Variants in MAP3K4 observed in about 807,000 individuals in gnomAD.
The protein encoded by MAP3K4 is MAP three kinase 1.
MAP3K4 carries 67 observed loss-of-function variants against 185.6 expected under a neutral mutation model. That is an observed-to-expected ratio of 0.36 (90% confidence interval 0.30 to 0.44). The LOEUF is 0.44. MAP3K4 is among the 20% of genes least tolerant of loss of function. The pLI is 1.00. For synonymous variants in MAP3K4, 702 were observed against 710.4 expected (o/e 0.99, Z 0.19); for missense variants, 1,551 against 1,995.1 (o/e 0.78, Z 4.24).
intron 1 of MAP3K4, among the ~76,000 whole-genome samples, chr6:161,024,333 T>C (rs1243514846): frequency 2.0e-5 from 3 of 152,194 alleles, no homozygotes; most frequent in East Asian, 3.8e-4. Flanking sequence ...CTATACCCTA[T>C]GCTCAGTTTC....
intron 3 of MAP3K4, among the ~76,000 whole-genome samples, chr6:161,068,433 G>C (rs1483161460): frequency 6.6e-6 from 1 of 152,172 alleles, no homozygotes; most frequent in East Asian, 1.9e-4. Flanking sequence ...CACAGAGGCA[G>C]GTTTGTTATG....
rs906794771 is a variant in MAP3K4 at position 161,077,730 on chromosome 6, G to A, written c.2098-3151G>A. Among the ~76,000 whole-genome samples the A allele has an allele frequency of 2.0e-5, 3 of 152,248 alleles. No individual in the cohort carries two copies. Among genetic ancestry groups the A allele is most frequent in the African/African-American group, 7.2e-5 (3 of 41,472 alleles). On this transcript the variant is annotated intron_variant, in intron 5 of 26. Coordinates refer to ENST00000392142, the MANE Select transcript of MAP3K4 (RefSeq NM_005922.4). This position sits in a 1 kb window ranked among gnomAD's most constrained non-coding sequence, Gnocchi z 4.3. ...CGGGTGGATCAAATGTGAACAAGGT[G>A]TTGGGAGTGACTGTGGGTGTCCAGC...
In MAP3K4 at chr6:161,087,462, G is replaced by A. The variant is rs1048560960; in HGVS notation, c.2557-226G>A. 2.4e-4 allele frequency among the ~76,000 whole-genome samples: 37 copies of A among 151,928 alleles called. No homozygotes were observed. Among genetic ancestry groups the A allele is most frequent in the African/African-American group, 8.2e-4 (34 of 41,346 alleles). ...GCAGTGAGGAGGATGTCCAATAATC[G>A]GGGAGACTCTGTAAGGCCTCTCCTC... On this transcript the variant is annotated intron_variant, in intron 9 of 26. Transcript: ENST00000392142. This position sits in a 1 kb window ranked among gnomAD's most constrained non-coding sequence, Gnocchi z 4.9.
intron 4 of MAP3K4, among the ~76,000 whole-genome samples, chr6:161,072,077 A>C (rs1330856917): frequency 1.3e-5 from 2 of 152,250 alleles, no homozygotes; most frequent in African/African-American, 4.8e-5. Context: ...TTTGGTTTAA[A>C]TGCATTCAAA....
At chr6:161,021,261 T>G (rs1396156875) in intron 1 of MAP3K4, among the ~76,000 whole-genome samples, 1 of 152,244 alleles carries the variant, frequency 6.6e-6, no homozygotes, top group East Asian at 1.9e-4. Flanking sequence ...TCACTTGGTC[T>G]TGATTGCTGG....
Position 161,093,665 on chromosome 6 carries a change from G to T in MAP3K4, c.3349-108G>T. ...CTTTTAAACTAACTGAAAATATTTT[G>T]GGTAGCATGTTTTTAAAAATATACT... is the stretch of plus-strand genomic sequence containing the variant. On this transcript the variant is annotated intron_variant, in intron 14 of 26. Transcript: ENST00000392142. The surrounding 1 kb of genome is among the most constrained non-coding windows in gnomAD (Gnocchi z 5.2). 1 of 626,632 alleles carries T rather than the reference G, an allele frequency of 1.6e-6. No individual in the cohort carries two copies. Among genetic ancestry groups the T allele is most frequent in the South Asian group, 2.2e-5 (1 of 45,566 alleles). 38.8% of individuals were successfully genotyped at this position (626,632 alleles called of 1,614,324 possible).
At chr6:161,094,544 T>G (rs1000908359) in intron 15 of MAP3K4, among the ~76,000 whole-genome samples, 16 of 152,212 alleles carry the variant, frequency 1.1e-4, no homozygotes, top group African/African-American at 3.6e-4. Context: ...AAAACTGTAT[T>G]TGTAAGTAAT....
chr6:161,116,700 C>A lies in MAP3K4; in HGVS notation c.4807-150C>A. The A allele has an allele frequency of 1.6e-6, 1 of 628,878 alleles. No individual in the cohort carries two copies. Among genetic ancestry groups the A allele is most frequent in the Non-Finnish European group, 2.8e-6 (1 of 356,778 alleles). The allele number at this position is 628,878 out of a possible 1,614,324, so 39.0% of individuals were successfully genotyped here. A position where few individuals can be genotyped will look rare whatever the true frequency, so the allele number is the denominator to read the frequency against. On this transcript the variant is annotated intron_variant, in intron 26 of 26. Coordinates refer to ENST00000392142, the MANE Select transcript of MAP3K4 (RefSeq NM_005922.4). The surrounding 1 kb of genome is among the most constrained non-coding windows in gnomAD (Gnocchi z 6.2). ...AACTTACCTCTGCCATTGTTCATTA[C>A]ATTTCTTAAGCCTTGCCCTCTGTGC...
intron 1 of MAP3K4, among the ~76,000 whole-genome samples, chr6:161,024,225 T>C (rs2115124763): frequency 6.6e-6 from 1 of 152,238 alleles, no homozygotes; most frequent in Admixed American, 6.5e-5. Flanking sequence ...CGCCTCTGCC[T>C]CCTAGAGTGT....
rs1372900880 is a variant in MAP3K4 at position 161,108,730 on chromosome 6, C to T, written c.4120-13C>T. ...ATCAAGCCAGTTAACATTTTTGTCA[C>T]CTCACTTTACAGATTCGATTTCAAC... On this transcript the variant is annotated splice_polypyrimidine_tract_variant and intron_variant, in intron 21 of 26. Transcript: ENST00000392142. The surrounding 1 kb of genome is among the most constrained non-coding windows in gnomAD (Gnocchi z 5.7). 6.6e-7 allele frequency: 1 copy of T among 1,526,318 alleles called. No individual in the cohort carries two copies. The highest frequency in any genetic ancestry group is 1.4e-5 in the African/African-American group (1 of 73,122). The allele number at this position is 1,526,318 out of a possible 1,614,324, so 94.5% of individuals were successfully genotyped here.
Position 161,106,296 on chromosome 6 carries a change from C to G in MAP3K4, c.3857-218C>G, listed in dbSNP as rs1778068842. ...GGGAAAGGAAATCATTTTTGTGTGA[C>G]TAGCTTATATTTTATGTGTGTACTG... On this transcript the variant is annotated intron_variant, in intron 19 of 26. Transcript: ENST00000392142. This position sits in a 1 kb window ranked among gnomAD's most constrained non-coding sequence, Gnocchi z 4.9. Among the ~76,000 whole-genome samples, 1 of 152,102 alleles carries G rather than the reference C, an allele frequency of 6.6e-6. No individual in the cohort carries two copies. The highest frequency in any genetic ancestry group is 2.1e-4 in the South Asian group (1 of 4,824).
Position 161,007,374 on chromosome 6 carries a change from G to T in MAP3K4, c.152+15291G>T, listed in dbSNP as rs116473005. 6.2e-3 allele frequency among the ~76,000 whole-genome samples: 948 copies of T among 152,310 alleles called. 1 individual carries two copies. Among genetic ancestry groups the T allele is most frequent in the Middle Eastern group, 0.058 (17 of 294 alleles). On this transcript the variant is annotated intron_variant, in intron 1 of 26. Coordinates refer to ENST00000392142, the MANE Select transcript of MAP3K4 (RefSeq NM_005922.4). This position sits in a 1 kb window ranked among gnomAD's most constrained non-coding sequence, Gnocchi z 4.5. ...GGTTTTATAAAACGTGGGAATTACTGAGGAAGATAGAGGGAGGGCTAATTT... is the reference window on the plus strand; with the variant it reads ...GGTTTTATAAAACGTGGGAATTACTTAGGAAGATAGAGGGAGGGCTAATTT...
chr6:160,996,252 G>A lies in MAP3K4; in HGVS notation c.152+4169G>A, dbSNP rs1260066616. 6.6e-6 allele frequency among the ~76,000 whole-genome samples: 1 copy of A among 152,194 alleles called. No homozygotes were observed. Among genetic ancestry groups the A allele is most frequent in the Non-Finnish European group, 1.5e-5 (1 of 68,040 alleles). ...ATTGGCGGGGGTGGCGTTAGGCAGAGAGGAGTCACCAAACAGCAGTGATGG... is the reference window on the plus strand; with the variant it reads ...ATTGGCGGGGGTGGCGTTAGGCAGAAAGGAGTCACCAAACAGCAGTGATGG... On this transcript the variant is annotated intron_variant, in intron 1 of 26. Coordinates refer to ENST00000392142, the MANE Select transcript of MAP3K4 (RefSeq NM_005922.4). The surrounding 1 kb of genome is among the most constrained non-coding windows in gnomAD (Gnocchi z 4.5).
rs1203402583 is a variant in MAP3K4 at position 161,100,240 on chromosome 6, C to G, written c.3675-1652C>G. Reference sequence around the variant, plus strand: ...TGCTCCCGAGGCAGACTTCACATACCCAAGGGCTTGTGTCTCAACACAGCT... The same window carrying G: ...TGCTCCCGAGGCAGACTTCACATACGCAAGGGCTTGTGTCTCAACACAGCT... On this transcript the variant is annotated intron_variant, in intron 17 of 26. Coordinates refer to ENST00000392142, the MANE Select transcript of MAP3K4 (RefSeq NM_005922.4). This position sits in a 1 kb window ranked among gnomAD's most constrained non-coding sequence, Gnocchi z 5.8. Among the ~76,000 whole-genome samples the G allele has an allele frequency of 6.6e-6, 1 of 152,140 alleles. No homozygotes were observed. The highest frequency in any genetic ancestry group is 6.6e-5 in the Admixed American group (1 of 15,262).
chr6:161,067,257 C>T lies in MAP3K4; in HGVS notation c.1708-3351C>T, dbSNP rs1341511621. 9 of 443,282 alleles carry T rather than the reference C, an allele frequency of 2.0e-5. No individual in the cohort carries two copies. The highest frequency in any genetic ancestry group is 7.3e-5 in the Admixed American group (3 of 41,314). The allele number at this position is 443,282 out of a possible 1,614,324, so 27.5% of individuals were successfully genotyped here. ...TGTACATTGGTTCCATCCAGAAAGA[C>T]AGGACAACTCGAAGCAGGGATGGGG... On this transcript the variant is annotated intron_variant, in intron 3 of 26. Coordinates refer to ENST00000392142, the MANE Select transcript of MAP3K4 (RefSeq NM_005922.4). This position sits in a 1 kb window ranked among gnomAD's most constrained non-coding sequence, Gnocchi z 6.3.
At chr6:161,111,701 A>G (rs1457352266) in intron 23 of MAP3K4, 135 bp from the exon 24 acceptor site, 5 of 913,678 alleles carry the variant, frequency 5.5e-6, no homozygotes, top group East Asian at 5.0e-5. Flanking sequence ...CTATGATTAC[A>G]CTTTGTAAGT....
At position 161,039,569 on chromosome 6, in the gene MAP3K4, T is replaced by C. The variant is rs1344933894; in HGVS notation, c.343+5120T>C. ...GTGGTGCATATGTGTGATTAGACAA[T>C]TGACTCATTGAAATTATTTGATGGA... On this transcript the variant is annotated intron_variant, in intron 2 of 26. Coordinates refer to ENST00000392142, the MANE Select transcript of MAP3K4 (RefSeq NM_005922.4). 3.9e-5 allele frequency among the ~76,000 whole-genome samples: 6 copies of C among 152,188 alleles called. No homozygotes were observed. In the East Asian group the frequency reaches 9.6e-4, roughly 24 times the overall value.
Position 160,996,030 on chromosome 6 carries a change from A to C in MAP3K4, c.152+3947A>C, listed in dbSNP as rs1780974084. Among the ~76,000 whole-genome samples, 3 of 152,314 alleles carry C rather than the reference A, an allele frequency of 2.0e-5. No individual in the cohort carries two copies. The South Asian group carries it at 6.2e-4, about 32-fold the overall frequency. On this transcript the variant is annotated intron_variant, in intron 1 of 26. Transcript: ENST00000392142. This position sits in a 1 kb window ranked among gnomAD's most constrained non-coding sequence, Gnocchi z 4.5. ...TGAAAAACTGGATTTCCTACTAAAA[A>C]ACTAGTTGAATGTCGTCACTCCTAG...
In MAP3K4 at chr6:161,098,520, T is replaced by C; in HGVS notation, c.3674+93T>C. 1 of 1,445,790 alleles carries C rather than the reference T, an allele frequency of 6.9e-7. No individual in the cohort carries two copies. The highest frequency in any genetic ancestry group is 1.8e-4 in the Middle Eastern group (1 of 5,490). The allele number at this position is 1,445,790 out of a possible 1,614,324, so 89.6% of individuals were successfully genotyped here. ...TGTTAGGGTGTGTGCCGGCTGTGGT[T>C]GGGCTTCTTTGCTGTGGCGTGTGAG... On this transcript the variant is annotated intron_variant, in intron 17 of 26. Transcript: ENST00000392142. The surrounding 1 kb of genome is among the most constrained non-coding windows in gnomAD (Gnocchi z 4.4).
Sources: gnomAD v4.1 joint callset for allele counts (sites outside exome capture counted in the v4.1 genomes callset) on GRCh38, gnomAD v4.1.1 for gene constraint, Gnocchi (gnomAD v3.1) non-coding constraint, MANE v1.5 for transcripts, NCBI Gene and HGNC (gene_info 2026-07-23, HGNC 2026-07-21) for gene names.